PRKN: variants seen among roughly 807,000 people sequenced by gnomAD.
PRKN encodes the protein parkin RBR E3 ubiquitin protein ligase.
Under a neutral mutation model 59.5 loss-of-function variants are expected in PRKN, and 56 were observed. The observed-to-expected ratio is 0.94, with a 90% CI of 0.76 to 1.18. The LOEUF is 1.18. Among genes scored for constraint, PRKN ranks in the 50% most tolerant of loss-of-function variants. The probability of loss-of-function intolerance (pLI) is 0.00; values close to 1 mark genes in which losing one functional copy is unlikely to be tolerated. For missense variants in PRKN, 657 were observed against 596.4 expected (o/e 1.10, Z -1.06); for synonymous variants, 250 against 222.1 (o/e 1.13, Z -1.12).
intron 4 of PRKN, among the ~76,000 whole-genome samples, chr6:162,065,938 T>C (rs1209069244): frequency 6.6e-6 from 1 of 152,246 alleles, no homozygotes; most frequent in African/African-American, 2.4e-5. Context: ...CCATGGTGTA[T>C]ATGTGCCACA....
intron 4 of PRKN, among the ~76,000 whole-genome samples, chr6:162,109,756 A>G (rs947035565): frequency 6.6e-6 from 1 of 152,206 alleles, no homozygotes; most frequent in Non-Finnish European, 1.5e-5. Flanking sequence ...CCAACATCCA[A>G]TGAGCACTTA....
rs145900384 is a variant in PRKN, at chr6:161,426,731, T to C, written c.1084-39854A>G. On this transcript the variant is annotated intron_variant, in intron 9 of 11. Coordinates refer to ENST00000366898, the MANE Select transcript of PRKN (RefSeq NM_004562.3). ...CCTAATATAGTTATTTATTTATTTA[T>C]TTGTTGAGACAGAGTCTCGCTCTGT... Among the ~76,000 whole-genome samples, 718 of 151,948 alleles carry C rather than the reference T, an allele frequency of 4.7e-3. 9 individuals carry two copies. The highest frequency in any genetic ancestry group is 0.046 in the East Asian group (238 of 5,162).
chr6:162,510,552 A>G (rs1249158651), intron 1 of PRKN, among the ~76,000 whole-genome samples: 1 of 152,206 alleles, frequency 6.6e-6, no homozygotes, highest in Non-Finnish European at 1.5e-5. Flanking sequence ...TGAGCCCTCC[A>G]GGGCCTATTT....
intron 5 of PRKN, among the ~76,000 whole-genome samples, chr6:161,982,131 C>T (rs1781282488): frequency 1.3e-5 from 2 of 152,104 alleles, no homozygotes; most frequent in Admixed American, 1.3e-4. Context: ...AGGTGTAATG[C>T]CACTCAGCCA....
intron 7 of PRKN, among the ~76,000 whole-genome samples, chr6:161,591,114 G>A (rs1027153540): frequency 6.6e-6 from 1 of 152,060 alleles, no homozygotes; most frequent in Non-Finnish European, 1.5e-5. Flanking sequence ...CATCATGTTG[G>A]CAACTTACTC....
intron 2 of PRKN, among the ~76,000 whole-genome samples, chr6:162,369,167 C>T (rs1785614375): frequency 6.6e-6 from 1 of 152,130 alleles, no homozygotes; most frequent in Non-Finnish European, 1.5e-5. Context: ...AAATCCCACT[C>T]AAATATGTAT....
At chr6:161,821,275 A>C (rs1268006204) in intron 6 of PRKN, among the ~76,000 whole-genome samples, 1 of 152,204 alleles carries the variant, frequency 6.6e-6, no homozygotes, top group Non-Finnish European at 1.5e-5. Flanking sequence ...TCTTTTAAAA[A>C]TATAGGCAGA....
At chr6:161,716,037 A>G in intron 7 of PRKN, 4 of 1,184,384 alleles carry the variant, frequency 3.4e-6, no homozygotes, top group South Asian at 1.2e-5. Flanking sequence ...GATCTGGTTT[A>G]GCGACACAGC....
chr6:162,107,817 T>C (rs1434447274), intron 4 of PRKN, among the ~76,000 whole-genome samples: 2 of 152,190 alleles, frequency 1.3e-5, no homozygotes, highest in Non-Finnish European at 1.5e-5. Context: ...GTCCAGCTTT[T>C]CCATAAACTT....
chr6:162,247,894 C>G (rs2128094398), intron 3 of PRKN, among the ~76,000 whole-genome samples: 1 of 152,214 alleles, frequency 6.6e-6, no homozygotes, highest in African/African-American at 2.4e-5. Flanking sequence ...TTAAAGGCAC[C>G]TAGGATTTTA....
chr6:162,704,610 C>T (rs1275235519), intron 1 of PRKN, among the ~76,000 whole-genome samples: 1 of 152,132 alleles, frequency 6.6e-6, no homozygotes, highest in Non-Finnish European at 1.5e-5. Flanking sequence ...TTCCCAGGGA[C>T]AATCAGCTAA....
intron 6 of PRKN, among the ~76,000 whole-genome samples, chr6:161,898,487 G>A (rs762099066): frequency 3.9e-5 from 6 of 152,030 alleles, no homozygotes; most frequent in Non-Finnish European, 7.4e-5. Flanking sequence ...TATCTTCATC[G>A]TGCAGCTGAG....
Position 162,663,495 on chromosome 6 carries a change from C to A in PRKN, c.7+64167G>T, listed in dbSNP as rs150810244. Among the ~76,000 whole-genome samples the A allele has an allele frequency of 2.1e-3, 315 of 152,110 alleles. 3 individuals are homozygous for A. The highest frequency in any genetic ancestry group is 3.5e-3 in the Non-Finnish European group (241 of 68,004). ...AGTAAAAGCCATCTTGAAACTGCTG[C>A]ATGTCCAGAGGAAACAATCACAAAA... On this transcript the variant is annotated intron_variant, in intron 1 of 11. Coordinates refer to ENST00000366898, the MANE Select transcript of PRKN (RefSeq NM_004562.3).
intron 7 of PRKN, among the ~76,000 whole-genome samples, chr6:161,765,994 C>T (rs1350626451): frequency 6.6e-6 from 1 of 152,128 alleles, no homozygotes; most frequent in East Asian, 1.9e-4. Flanking sequence ...TATTTTAGGT[C>T]CTACTTTTCT....
intron 5 of PRKN, among the ~76,000 whole-genome samples, chr6:161,987,106 T>C (rs1789989): frequency 0.52 from 78,933 of 152,058 alleles, 20,779 homozygotes; most frequent in Middle Eastern, 0.59. Flanking sequence ...CCACTCAAGA[T>C]AAACTGGGCA....
chr6:162,395,963 G>A (rs1266963225), intron 2 of PRKN, among the ~76,000 whole-genome samples: 1 of 152,202 alleles, frequency 6.6e-6, no homozygotes, highest in Non-Finnish European at 1.5e-5. Flanking sequence ...CAATGCACCA[G>A]GCACCTTTTC....
In PRKN at chr6:161,796,241, A is replaced by C. The variant is rs76762360; in HGVS notation, c.735-10333T>G. On this transcript the variant is annotated intron_variant, in intron 6 of 11. Coordinates refer to ENST00000366898, the MANE Select transcript of PRKN (RefSeq NM_004562.3). ...ATTTGTGTATTGCATTTCTAAATAT[A>C]ATTACTGTTGACAGGTTGAACCCAA... Among the ~76,000 whole-genome samples the C allele has an allele frequency of 1.5e-3, 226 of 152,322 alleles. 1 individual carries two copies. In the East Asian group the frequency reaches 0.042, roughly 28 times the overall value.
Position 161,369,077 on chromosome 6 carries a change from G to A in PRKN, c.1168-8872C>T, listed in dbSNP as rs185666069. ...CTCTATGACACCCCGGGAGTGGGCG[G>A]TGCCCAGGCCACTGGTTTAGACCTT... On this transcript the variant is annotated intron_variant, in intron 10 of 11. Coordinates refer to ENST00000366898, the MANE Select transcript of PRKN (RefSeq NM_004562.3). This position sits in a 1 kb window ranked among gnomAD's most constrained non-coding sequence, Gnocchi z 5.8. Among the ~76,000 whole-genome samples the A allele has an allele frequency of 1.9e-4, 29 of 152,276 alleles. No homozygotes were observed. Among genetic ancestry groups the A allele is most frequent in the African/African-American group, 6.5e-4 (27 of 41,580 alleles).
chr6:162,426,920 G>A (rs1441218466), intron 2 of PRKN, among the ~76,000 whole-genome samples: 1 of 152,184 alleles, frequency 6.6e-6, no homozygotes, highest in African/African-American at 2.4e-5. Context: ...TCAAAGTTAA[G>A]GAGACAAACC....
Sources: gnomAD v4.1 joint callset for allele counts (sites outside exome capture counted in the v4.1 genomes callset) on GRCh38, gnomAD v4.1.1 for gene constraint, Gnocchi (gnomAD v3.1) non-coding constraint, MANE v1.5 for transcripts, NCBI Gene and HGNC (gene_info 2026-07-23, HGNC 2026-07-21) for gene names.